The following SUSD5 variants were observed in gnomAD, a reference collection of about 807,000 sequenced individuals.
SUSD5 encodes the protein sushi domain containing 5.
Under a neutral mutation model 29.5 loss-of-function variants are expected in SUSD5, and 33 were observed. The observed-to-expected ratio is 1.12, with a 90% CI of 0.85 to 1.49. The LOEUF is 1.49. SUSD5 is among the 40% of genes most tolerant of loss of function. The pLI is 0.00. For missense variants in SUSD5, 776 were observed against 800.6 expected, an observed-to-expected ratio of 0.97 and a Z score of 0.37; for synonymous variants, 308 against 325.3, an observed-to-expected ratio of 0.95 and a Z score of 0.57.
At chr3:33,157,558 A>G (rs563927936) in intron 4 of SUSD5, among the ~76,000 whole-genome samples, 1 of 152,346 alleles carries the variant, frequency 6.6e-6, no homozygotes, top group East Asian at 1.9e-4. Context: ...AATAATGGCC[A>G]CAAATCTCCA....
chr3:33,213,711 T>C (rs1057368332), intron 2 of SUSD5, among the ~76,000 whole-genome samples: 22 of 151,758 alleles, frequency 1.4e-4, no homozygotes, highest in Admixed American at 1.4e-3. Context: ...GAGGTGGAGG[T>C]TGCAGTGAGC....
intron 3 of SUSD5, among the ~76,000 whole-genome samples, 176 bp downstream of exon 3, chr3:33,207,632 C>G (rs2032245861): frequency 1.3e-5 from 2 of 152,134 alleles, no homozygotes; most frequent in Non-Finnish European, 2.9e-5. Flanking sequence ...ATGCTTGACC[C>G]CCTTCCTCAT....
chr3:33,202,122 T>C (rs1005656213), intron 3 of SUSD5, among the ~76,000 whole-genome samples: 31 of 152,102 alleles, frequency 2.0e-4, no homozygotes, highest in Admixed American at 1.4e-3. Flanking sequence ...AGTCTGAGCA[T>C]TGGACTTTGC....
At chr3:33,176,084 T>C (rs2031546723) in intron 3 of SUSD5, among the ~76,000 whole-genome samples, 1 of 152,232 alleles carries the variant, frequency 6.6e-6, no homozygotes, top group African/African-American at 2.4e-5. Context: ...ATTCACATAG[T>C]TGGAATCATA....
chr3:33,207,626 T>C (rs895979495), intron 3 of SUSD5, among the ~76,000 whole-genome samples, 182 bp downstream of exon 3: 1 of 152,194 alleles, frequency 6.6e-6, no homozygotes, highest in Non-Finnish European at 1.5e-5. Flanking sequence ...GCACCGATGC[T>C]TGACCCCCTT....
intron 3 of SUSD5, among the ~76,000 whole-genome samples, chr3:33,201,810 T>G (rs775406456): frequency 1.3e-5 from 2 of 152,162 alleles, no homozygotes; most frequent in African/African-American, 4.8e-5. Flanking sequence ...CCCAAAGCCA[T>G]TGGTATCTTT....
chr3:33,167,484 T>C lies in SUSD5; in HGVS notation c.598+7402A>G, dbSNP rs889898326. Among the ~76,000 whole-genome samples the C allele has an allele frequency of 1.3e-5, 2 of 152,038 alleles. No homozygotes were observed. The highest frequency in any genetic ancestry group is 2.9e-5 in the Non-Finnish European group (2 of 67,988). On this transcript the variant is annotated intron_variant, in intron 4 of 4. Coordinates refer to ENST00000309558, the MANE Select transcript of SUSD5 (RefSeq NM_015551.2). The surrounding 1 kb of genome is among the most constrained non-coding windows in gnomAD (Gnocchi z 4.1). ...GTGTATGTGTGTGTGTGTCTCTGTA[T>C]GGGTGTCTAAGGTTCTGCCTCCAGA...
chr3:33,177,809 T>A (rs1404928227), intron 3 of SUSD5, among the ~76,000 whole-genome samples: 1 of 152,260 alleles, frequency 6.6e-6, no homozygotes, highest in Non-Finnish European at 1.5e-5. Flanking sequence ...CTTTAAGTTC[T>A]GGGATACATG....
chr3:33,202,821 A>C (rs2032145285), intron 3 of SUSD5, among the ~76,000 whole-genome samples: 1 of 152,216 alleles, frequency 6.6e-6, no homozygotes, highest in South Asian at 2.1e-4. Context: ...AAATGAGAAA[A>C]GTCTACATTC....
At chr3:33,165,000 A>G (rs1009144123) in intron 4 of SUSD5, among the ~76,000 whole-genome samples, 3 of 145,968 alleles carry the variant, frequency 2.1e-5, no homozygotes, top group Admixed American at 7.0e-5. Flanking sequence ...ACACACACAC[A>G]CACACACGTA....
intron 3 of SUSD5, among the ~76,000 whole-genome samples, chr3:33,183,749 A>G (rs1487550978): frequency 1.3e-5 from 2 of 151,918 alleles, no homozygotes; most frequent in Non-Finnish European, 2.9e-5. Context: ...CCTGCTCCCT[A>G]AAGAACTTCT....
chr3:33,176,810 T>C (rs146427335), intron 3 of SUSD5, among the ~76,000 whole-genome samples: 2 of 152,230 alleles, frequency 1.3e-5, no homozygotes, highest in African/African-American at 4.8e-5. Context: ...CGTTTTTGCA[T>C]GTGGATGTCC....
rs146671605 is a variant in SUSD5, at chr3:33,168,139, G to A, written c.598+6747C>T. Among the ~76,000 whole-genome samples the A allele has an allele frequency of 7.2e-5, 11 of 152,344 alleles. No homozygotes were observed. In the East Asian group the frequency reaches 1.9e-3, roughly 27 times the overall value. On this transcript the variant is annotated intron_variant, in intron 4 of 4. Transcript: ENST00000309558. The stretch of plus-strand genomic sequence containing the variant: ...TTATCAGAGTGGGATGTGGCTGGGG[G>A]CTGCAGGAGACAGGCCAGAGCCCAG...
chr3:33,181,302 T>C (rs1375917600), intron 3 of SUSD5, among the ~76,000 whole-genome samples: 1 of 152,014 alleles, frequency 6.6e-6, no homozygotes, highest in Admixed American at 6.6e-5. Context: ...CAACGTCCAG[T>C]GCTGCAAGCG....
intron 4 of SUSD5, among the ~76,000 whole-genome samples, chr3:33,164,345 AAAG>A (rs1272410708): frequency 6.6e-6 from 1 of 152,308 alleles, no homozygotes; most frequent in African/African-American, 2.4e-5. Flanking sequence ...GAAAGGAGAA[AAAG>A]AAGAAGTTTT....
In SUSD5 at chr3:33,214,185, G is replaced by A. The variant is rs1433639720; in HGVS notation, c.113-80C>T. The A allele has an allele frequency of 5.0e-6, 7 of 1,410,030 alleles. No individual in the cohort carries two copies. In the African/African-American group the frequency reaches 5.8e-5, roughly 12 times the overall value. 87.3% of individuals were successfully genotyped at this position (1,410,030 alleles called of 1,614,324 possible). On this transcript the variant is annotated intron_variant, in intron 1 of 4. Transcript: ENST00000309558. The stretch of plus-strand genomic sequence containing the variant: ...TCTCAGCAAACATCCTCTGGCAGAC[G>A]CCAGTTAGAACTGTAGTCCTTGCCT...
Position 33,152,876 on chromosome 3 carries a change from G to T in SUSD5, c.1756C>A (p.Leu586Met). The change falls in exon 5 of 5, where the codon CTG becomes ATG. Residue 586 changes from leucine to methionine, a missense_variant. Transcript: ENST00000309558. ...IATIVTVLCL[L>M]LLLAGVGMVW... ...ATCCCCACACCTGCCAGGAGCAGCA[G>T]TAGGCACAGGACGGTGACAATGGTG... The T allele has an allele frequency of 6.2e-7, 1 of 1,614,014 alleles. No homozygotes were observed. The highest frequency in any genetic ancestry group is 1.1e-5 in the South Asian group (1 of 91,086).
In SUSD5 at chr3:33,218,758, T is replaced by C; in HGVS notation, c.40A>G (p.Arg14Gly). The C allele has an allele frequency of 7.1e-7, 1 of 1,411,874 alleles. No homozygotes were observed. Among genetic ancestry groups the C allele is most frequent in the South Asian group, 1.5e-5 (1 of 65,024 alleles). 87.5% of individuals were successfully genotyped at this position (1,411,874 alleles called of 1,614,324 possible). A position where few individuals can be genotyped will look rare whatever the true frequency, so the allele number is the denominator to read the frequency against. Residue 14 changes from arginine to glycine, a missense_variant, in exon 1 of 5, where the codon AGA becomes GGA. By Grantham distance (125) the Arg-to-Gly change is moderately radical (BLOSUM62 -2). Coordinates refer to ENST00000309558, the MANE Select transcript of SUSD5 (RefSeq NM_015551.2). ...GCCGCCCAGAGCCCGGGGAGGCGTC[T>C]GTGCCAACGGGCAGGCGGGCTGGGT... The part of the protein sequence containing the change: ...EGPSPPARWH[R>G]RLPGLWAAAL...
At chr3:33,189,973 G>C (rs2031859242) in intron 3 of SUSD5, among the ~76,000 whole-genome samples, 1 of 152,112 alleles carries the variant, frequency 6.6e-6, no homozygotes, top group South Asian at 2.1e-4. Context: ...GACCCTACTA[G>C]TGAAGTCCAG....
Sources: allele counts gnomAD v4.1 joint callset (sites outside exome capture counted in the v4.1 genomes callset), GRCh38; gene constraint gnomAD v4.1.1; non-coding constraint Gnocchi (gnomAD v3.1); transcripts MANE v1.5; gene names NCBI Gene and HGNC (gene_info 2026-07-23, HGNC 2026-07-21).